The following UBAC2 variants were observed in gnomAD, a reference collection of about 807,000 sequenced individuals.
UBAC2 encodes the protein UBA domain containing 2.
A neutral mutation model predicts 44.0 loss-of-function variants in UBAC2; 26 were observed. The ratio of observed to expected loss-of-function variants is 0.59; its 90% confidence interval spans 0.43 to 0.82. UBAC2 has a LOEUF of 0.82. Among genes scored for constraint, UBAC2 ranks in the 40% least tolerant of loss-of-function variants. The pLI is 0.00. For missense variants in UBAC2, 329 were observed against 419.4 expected (o/e 0.78, Z 1.88); for synonymous variants, 155 against 154.3 (o/e 1.00, Z -0.04).
intron 4 of UBAC2, among the ~76,000 whole-genome samples, chr13:99,287,572 A>C (rs1445494767): frequency 1.3e-5 from 2 of 150,474 alleles, no homozygotes; most frequent in East Asian, 3.9e-4. Context: ...CCATCCCTGA[A>C]CTTCTGCCTC....
intron 1 of UBAC2, among the ~76,000 whole-genome samples, chr13:99,211,531 G>T (rs914668007): frequency 6.6e-6 from 1 of 152,170 alleles, no homozygotes; most frequent in Non-Finnish European, 1.5e-5. Context: ...AAAATACTAC[G>T]TGTTAGGCAC....
intron 8 of UBAC2, among the ~76,000 whole-genome samples, chr13:99,383,959 G>C (rs9557206): frequency 0.3 from 45,943 of 152,218 alleles, 7,209 homozygotes; most frequent in Middle Eastern, 0.45. Context: ...ATTTTGCTCA[G>C]AATATCCAGA....
intron 1 of UBAC2, chr13:99,201,171 C>A: frequency 7.3e-7 from 1 of 1,367,754 alleles, no homozygotes; most frequent in Non-Finnish European, 9.5e-7. Context: ...CCCGACCCCA[C>A]CTGGTATCCC....
intron 4 of UBAC2, among the ~76,000 whole-genome samples, chr13:99,257,995 G>T (rs2043596615): frequency 6.6e-6 from 1 of 152,096 alleles, no homozygotes; most frequent in African/African-American, 2.4e-5. Flanking sequence ...GTGCTCCTGG[G>T]CACAACTGAT....
intron 4 of UBAC2, chr13:99,254,982 G>A (rs759244925): frequency 6.2e-7 from 1 of 1,614,096 alleles, no homozygotes; most frequent in South Asian, 1.1e-5. Context: ...TGACACTAAT[G>A]ACTCGAGCCT....
intron 6 of UBAC2, among the ~76,000 whole-genome samples, chr13:99,320,162 G>T (rs1027976574): frequency 3.7e-4 from 57 of 152,122 alleles, no homozygotes; most frequent in African/African-American, 1.3e-3. Flanking sequence ...AGTGCCTGCT[G>T]TCTCCTCAGA....
At chr13:99,248,013 A>G (rs868837064) in intron 4 of UBAC2, among the ~76,000 whole-genome samples, 1 of 152,162 alleles carries the variant, frequency 6.6e-6, no homozygotes, top group Middle Eastern at 3.2e-3. Context: ...TTGTTTCATG[A>G]AACCACCTGC....
chr13:99,205,598 T>C, intron 1 of UBAC2: 1 of 153,488 alleles, frequency 6.5e-6, no homozygotes, highest in Non-Finnish European at 1.5e-5. Flanking sequence ...CCCCAGGACA[T>C]TTTAATGGAC....
intron 7 of UBAC2, among the ~76,000 whole-genome samples, chr13:99,365,479 A>G: frequency 6.6e-6 from 1 of 152,046 alleles, no homozygotes; most frequent in East Asian, 1.9e-4. Flanking sequence ...ATAAACTTTG[A>G]TAGGTAGGTA....
intron 7 of UBAC2, among the ~76,000 whole-genome samples, chr13:99,345,255 A>C (rs975135964): frequency 6.6e-6 from 1 of 152,248 alleles, no homozygotes; most frequent in African/African-American, 2.4e-5. Context: ...TTTAAGCCTG[A>C]CAATAGATTT....
chr13:99,247,004 A>T (rs1359042535), intron 4 of UBAC2, among the ~76,000 whole-genome samples: 2 of 152,132 alleles, frequency 1.3e-5, no homozygotes, highest in Non-Finnish European at 2.9e-5. Flanking sequence ...AAACATTTTT[A>T]TTATTATTTT....
In UBAC2 at chr13:99,295,488, A is replaced by G. The variant is rs2044156401; in HGVS notation, c.390-18609A>G. On this transcript the variant is annotated intron_variant, in intron 4 of 8. Transcript: ENST00000403766. This position sits in a 1 kb window ranked among gnomAD's most constrained non-coding sequence, Gnocchi z 4.1. ...TTGGCAGTTCTGAAGAGTTTGCAGCAGATCTGAGAATAGCAGATGAGAATG... is the reference window on the plus strand; with the variant it reads ...TTGGCAGTTCTGAAGAGTTTGCAGCGGATCTGAGAATAGCAGATGAGAATG... The G allele has an allele frequency of 6.2e-7, 1 of 1,613,900 alleles. No homozygotes were observed. The highest frequency in any genetic ancestry group is 1.1e-5 in the South Asian group (1 of 91,078).
intron 6 of UBAC2, among the ~76,000 whole-genome samples, chr13:99,324,059 C>T (rs536406940): frequency 1.3e-5 from 2 of 152,218 alleles, no homozygotes; most frequent in Non-Finnish European, 2.9e-5. Flanking sequence ...GAACCATACA[C>T]TCCAACTACA....
intron 4 of UBAC2, among the ~76,000 whole-genome samples, chr13:99,247,718 G>A (rs1298760056): frequency 2.6e-5 from 4 of 152,114 alleles, no homozygotes; most frequent in South Asian, 2.1e-4. Flanking sequence ...AAACCTGCAC[G>A]TTCTGCACAT....
At chr13:99,271,201 A>T (rs1594074376) in intron 4 of UBAC2, among the ~76,000 whole-genome samples, 1 of 152,314 alleles carries the variant, frequency 6.6e-6, no homozygotes, top group East Asian at 1.9e-4. Context: ...AAAACTAAAT[A>T]AACTAGGGAA....
At chr13:99,216,440 G>C (rs1023398061) in intron 1 of UBAC2, among the ~76,000 whole-genome samples, 2 of 152,100 alleles carry the variant, frequency 1.3e-5, no homozygotes, top group African/African-American at 4.8e-5. Flanking sequence ...ACCTATTAAT[G>C]AGAAAGCAAC....
At chr13:99,244,928 G>A (rs2043364556) in intron 4 of UBAC2, among the ~76,000 whole-genome samples, 1 of 152,030 alleles carries the variant, frequency 6.6e-6, no homozygotes, top group Non-Finnish European at 1.5e-5. Context: ...CGCCTCCCGG[G>A]TTCAAGCGAT....
intron 4 of UBAC2, chr13:99,294,531 C>A (rs1566488870): frequency 6.6e-6 from 1 of 152,572 alleles, no homozygotes; most frequent in Non-Finnish European, 1.5e-5. Flanking sequence ...GAGGGACAGA[C>A]TCATAACTTT....
At chr13:99,278,622 A>T (rs971421123) in intron 4 of UBAC2, among the ~76,000 whole-genome samples, 40 of 152,222 alleles carry the variant, frequency 2.6e-4, no homozygotes, top group Non-Finnish European at 8.8e-5. Context: ...ACCTAAAAAT[A>T]GGACTACCTG....
Sources: allele counts gnomAD v4.1 joint callset (sites outside exome capture counted in the v4.1 genomes callset), GRCh38; gene constraint gnomAD v4.1.1; non-coding constraint Gnocchi (gnomAD v3.1); transcripts MANE v1.5; gene names NCBI Gene and HGNC (gene_info 2026-07-23, HGNC 2026-07-21).